LARP4: variants seen among roughly 807,000 people sequenced by gnomAD.
LARP4 encodes la-related protein 4.
Under a neutral mutation model 92.9 loss-of-function variants are expected in LARP4, and 29 were observed. The observed-to-expected ratio is 0.31, with a 90% CI of 0.23 to 0.43. LARP4 has a LOEUF of 0.43. Among genes scored for constraint, LARP4 ranks in the 20% least tolerant of loss-of-function variants. LARP4 has a pLI of 1.00. For missense variants in LARP4, 732 were observed against 860.0 expected (o/e 0.85, Z 1.86); for synonymous variants, 279 against 284.1 (o/e 0.98, Z 0.18).
intron 3 of LARP4, among the ~76,000 whole-genome samples, 189 bp downstream of exon 3, chr12:50,429,279 G>GTTA (rs1949277933): frequency 6.6e-6 from 1 of 152,060 alleles, no homozygotes; most frequent in African/African-American, 2.4e-5. Context: ...TGTTAAGATT[G>GTTA]TTTATGAGGG....
rs535475466 is a variant in LARP4 at position 50,479,922 on chromosome 12, T to A, written c.*4058T>A. On this transcript the variant is annotated 3_prime_UTR_variant, in exon 16 of 16. Coordinates refer to ENST00000398473, the MANE Select transcript of LARP4 (RefSeq NM_052879.5). ...TAAAATGTTAAAATGAGTACATCCTTGTATTTGTATTTGTTTTCAACATCG... is the reference window on the plus strand; with the variant it reads ...TAAAATGTTAAAATGAGTACATCCTAGTATTTGTATTTGTTTTCAACATCG... 5 of 152,658 alleles carry A rather than the reference T, an allele frequency of 3.3e-5. No homozygotes were observed. Among genetic ancestry groups the A allele is most frequent in the African/African-American group, 1.2e-4 (5 of 41,544 alleles). The allele number at this position is 152,658 out of a possible 1,614,324, so 9.5% of individuals were successfully genotyped here.
chr12:50,466,020 G>A (rs780493652), intron 12 of LARP4, among the ~76,000 whole-genome samples: 1 of 152,146 alleles, frequency 6.6e-6, no homozygotes, highest in African/African-American at 2.4e-5. Context: ...AACAAAAAAG[G>A]TATCACAGAA....
At position 50,407,679 on chromosome 12, in the gene LARP4, T is replaced by A. The variant is rs966910148; in HGVS notation, c.18+6651T>A. On this transcript the variant is annotated intron_variant, in intron 1 of 15. Transcript: ENST00000398473. ...GGCCAACATGGCGAAACCCCATGTC[T>A]ACTAAAAATAAAAATATTATCTGGG... Among the ~76,000 whole-genome samples the A allele has an allele frequency of 7.2e-5, 11 of 152,024 alleles. No homozygotes were observed. In the East Asian group the frequency reaches 1.9e-3, roughly 27 times the overall value.
At chr12:50,417,374 CAAA>C (rs763815019) in intron 1 of LARP4, among the ~76,000 whole-genome samples, 1 of 121,184 alleles carries the variant, frequency 8.3e-6, no homozygotes, top group African/African-American at 3.0e-5. Flanking sequence ...AACTCTGTCT[CAAA>C]AAAAAAAAAG....
chr12:50,441,823 T>C (rs1226636545), intron 8 of LARP4, among the ~76,000 whole-genome samples, 180 bp downstream of exon 8: 1 of 152,144 alleles, frequency 6.6e-6, no homozygotes, highest in Non-Finnish European at 1.5e-5. Context: ...CCAAGGCAGG[T>C]GGATAGCATG....
At chr12:50,413,472 T>C (rs936362227) in intron 1 of LARP4, among the ~76,000 whole-genome samples, 2 of 152,140 alleles carry the variant, frequency 1.3e-5, no homozygotes, top group Non-Finnish European at 2.9e-5. Context: ...TTTTCTCCAT[T>C]TTTCAAAACT....
intron 6 of LARP4, among the ~76,000 whole-genome samples, chr12:50,438,656 ATTAC>A (rs1437221438): frequency 1.3e-5 from 2 of 152,232 alleles, no homozygotes; most frequent in East Asian, 1.9e-4. Context: ...TCTCCCAGTT[ATTAC>A]TTTGCAATTA....
chr12:50,468,215 C>T (rs1593433201), intron 13 of LARP4, among the ~76,000 whole-genome samples: 3 of 152,082 alleles, frequency 2.0e-5, no homozygotes, highest in South Asian at 2.1e-4. Context: ...CCTGACCTTG[C>T]GATCCGCCCA....
intron 1 of LARP4, chr12:50,412,592 G>A (rs1175821988): frequency 5.8e-6 from 1 of 172,190 alleles, no homozygotes; most frequent in Non-Finnish European, 1.2e-5. Flanking sequence ...ACAAGAATTT[G>A]ATGGTTCTCT....
At chr12:50,440,244 C>A (rs994798647) in intron 6 of LARP4, among the ~76,000 whole-genome samples, 195 bp from the exon 7 acceptor site, 8 of 152,130 alleles carry the variant, frequency 5.3e-5, no homozygotes, top group Non-Finnish European at 1.2e-4. Context: ...TGAGACCAGA[C>A]TCAAATATAT....
chr12:50,473,669 C>G (rs1826986093), intron 14 of LARP4, 133 bp downstream of exon 14: 3 of 801,182 alleles, frequency 3.7e-6, no homozygotes, highest in Non-Finnish European at 5.6e-6. Context: ...AGTTCAAGAC[C>G]AGTCTGGCCA....
intron 6 of LARP4, among the ~76,000 whole-genome samples, chr12:50,438,560 A>G (rs1267912230): frequency 6.6e-6 from 1 of 152,220 alleles, no homozygotes; most frequent in African/African-American, 2.4e-5. Flanking sequence ...TATAAAGCAA[A>G]GTTGCAGTCA....
chr12:50,440,439 G>A lies in LARP4; in HGVS notation c.640G>A (p.Glu214Lys). The change falls in exon 7 of 16, where the codon GAA becomes AAA. Residue 214 changes from glutamate to lysine, a missense_variant and splice_region_variant. Physicochemically the swap from Glu to Lys is moderately conservative, Grantham distance 56 (BLOSUM62 1). Transcript: ENST00000398473. ...REIPETTPIE[E>K]VKGLFKSENC... The stretch of plus-strand genomic sequence containing the variant: ...TAACTAATTTTCTTTTTCTTTTTAG[G>A]AAGTGAAAGGTTTGTTCAAAAGTGA... 1 of 1,607,286 alleles carries A rather than the reference G, an allele frequency of 6.2e-7. No homozygotes were observed. Among genetic ancestry groups the A allele is most frequent in the Non-Finnish European group, 8.5e-7 (1 of 1,175,858 alleles).
intron 1 of LARP4, among the ~76,000 whole-genome samples, chr12:50,409,211 A>C (rs775969586): frequency 2.6e-4 from 40 of 152,060 alleles, no homozygotes; most frequent in Non-Finnish European, 4.6e-4. Flanking sequence ...GTCTAGAAAC[A>C]TGGACTCTGG....
At chr12:50,452,586 C>CT (rs1241125008) in intron 8 of LARP4, among the ~76,000 whole-genome samples, 1 of 152,344 alleles carries the variant, frequency 6.6e-6, no homozygotes, top group South Asian at 2.1e-4. Context: ...CATATCTTCT[C>CT]TAACACTTCC....
At position 50,418,254 on chromosome 12, in the gene LARP4, C is replaced by T. The variant is rs764191266; in HGVS notation, c.19-9508C>T. On this transcript the variant is annotated intron_variant, in intron 1 of 15. Transcript: ENST00000398473. Reference sequence around the variant, plus strand: ...GACCTCAAGTGGATCCACCAACCTTCGCCTCCCAAAGTGCTGGGATTACAG... The same window carrying T: ...GACCTCAAGTGGATCCACCAACCTTTGCCTCCCAAAGTGCTGGGATTACAG... 8.5e-5 allele frequency among the ~76,000 whole-genome samples: 13 copies of T among 152,072 alleles called. No individual in the cohort carries two copies. The East Asian group carries it at 1.2e-3, about 14-fold the overall frequency.
intron 8 of LARP4, among the ~76,000 whole-genome samples, chr12:50,450,535 C>T (rs1387221191): frequency 6.6e-6 from 1 of 152,092 alleles, no homozygotes; most frequent in Admixed American, 6.6e-5. Context: ...TTTCTTCTGC[C>T]TCATGTCTGT....
At chr12:50,420,229 A>G (rs1340712763) in intron 1 of LARP4, among the ~76,000 whole-genome samples, 1 of 152,168 alleles carries the variant, frequency 6.6e-6, no homozygotes, top group African/African-American at 2.4e-5. Context: ...AACTTACTAG[A>G]CAAGTTGAAC....
At chr12:50,421,212 G>A in intron 1 of LARP4, 1 of 888,668 alleles carries the variant, frequency 1.1e-6, no homozygotes, top group Non-Finnish European at 1.3e-6. Context: ...GCCTCTCAAA[G>A]TGCTTTGATT....
Sources: allele counts gnomAD v4.1 joint callset (sites outside exome capture counted in the v4.1 genomes callset), GRCh38; gene constraint gnomAD v4.1.1; transcripts MANE v1.5; gene names NCBI Gene and HGNC (gene_info 2026-07-23, HGNC 2026-07-21).